The following LGR5 variants were observed in gnomAD, a reference collection of about 807,000 sequenced individuals.
LGR5 encodes leucine rich repeat containing G protein-coupled receptor 5, also known as leucine-rich repeat-containing G protein-coupled receptor 5.
In LGR5, 54 loss-of-function variants were observed where a neutral mutation model predicts 76.7. The observed-to-expected ratio is 0.70, with a 90% CI of 0.57 to 0.88. LGR5 has a LOEUF of 0.88. Among genes scored for constraint, LGR5 ranks in the 40% least tolerant of loss-of-function variants. The pLI, the probability that LGR5 is intolerant of heterozygous loss-of-function variation, is 0.00. For missense variants in LGR5, 1,078 were observed against 1,073.3 expected, an observed-to-expected ratio of 1.00 and a Z score of -0.06; for synonymous variants, 406 against 421.9, an observed-to-expected ratio of 0.96 and a Z score of 0.46.
chr12:71,535,119 C>T lies in LGR5; in HGVS notation c.361C>T (p.Leu121=). ...TGLYSLKVLM[L]QNNQLRHVPT... is the part of the protein sequence containing the mutation. ...TTTATTTCTTTTAACATACAGTATG[C>T]TGCAGAATAATCAGCTAAGACACGT... is the stretch of plus-strand genomic sequence containing the variant. Residue 121 remains leucine (L), a synonymous_variant, in exon 4 of 18, where the codon CTG becomes TTG. Coordinates refer to ENST00000266674, the MANE Select transcript of LGR5 (RefSeq NM_003667.4). The T allele has an allele frequency of 6.2e-7, 1 of 1,607,808 alleles. No homozygotes were observed.
intron 2 of LGR5, among the ~76,000 whole-genome samples, chr12:71,518,970 C>A (rs1875588048): frequency 6.6e-6 from 1 of 152,078 alleles, no homozygotes; most frequent in South Asian, 2.1e-4. Flanking sequence ...GCATATGTAC[C>A]CTGGACTTAA....
In LGR5 at chr12:71,519,668, C is replaced by A. The variant is rs148771797; in HGVS notation, c.285-4738C>A. Among the ~76,000 whole-genome samples the A allele has an allele frequency of 7.3e-3, 1,105 of 150,936 alleles. 10 individuals carry two copies. Among genetic ancestry groups the A allele is most frequent in the Middle Eastern group, 0.017 (5 of 292 alleles). On this transcript the variant is annotated intron_variant, in intron 2 of 17. Coordinates refer to ENST00000266674, the MANE Select transcript of LGR5 (RefSeq NM_003667.4). ...AACAAAAAACAAAAAACAAAAAAAA[C>A]CACAAAAATTAGCCAGGCATGGTGT...
At chr12:71,570,108 G>A (rs1878534436) in intron 11 of LGR5, among the ~76,000 whole-genome samples, 1 of 152,036 alleles carries the variant, frequency 6.6e-6, no homozygotes, top group African/African-American at 2.4e-5. Flanking sequence ...GCTGAGCAAT[G>A]AGAACACATG....
At chr12:71,496,939 A>T (rs1874351288) in intron 1 of LGR5, among the ~76,000 whole-genome samples, 1 of 152,178 alleles carries the variant, frequency 6.6e-6, no homozygotes, top group Admixed American at 6.5e-5. Context: ...AATGAATGGA[A>T]GGGAACATGA....
chr12:71,571,467 G>T (rs1383857425), intron 11 of LGR5, 47 bp from the exon 12 acceptor site: 1 of 1,365,172 alleles, frequency 7.3e-7, no homozygotes, highest in Non-Finnish European at 1.0e-6. Context: ...GTTTCTTTAT[G>T]ATTTATTTGT....
chr12:71,498,177 C>G (rs570863306), intron 1 of LGR5, among the ~76,000 whole-genome samples: 1 of 152,036 alleles, frequency 6.6e-6, no homozygotes. Context: ...CAAATAGGAT[C>G]GACTGAAAAG....
intron 9 of LGR5, 39 bp from the exon 10 acceptor site, chr12:71,566,593 A>C: frequency 6.4e-7 from 1 of 1,568,458 alleles, no homozygotes. Context: ...CCCTGTCTAG[A>C]ATCTTCTACC....
In LGR5 at chr12:71,439,987, A is replaced by G; in HGVS notation, c.-94A>G. ...CTGCAGACGCCCGCTGAGTTGCAGA[A>G]GCCCACGGAGCGGCGCCCGGCGCGC... On this transcript the variant is annotated 5_prime_UTR_variant, in exon 1 of 18. Transcript: ENST00000266674. The G allele has an allele frequency of 4.2e-6, 5 of 1,193,190 alleles. No individual in the cohort carries two copies. The highest frequency in any genetic ancestry group is 5.1e-5 in the East Asian group (2 of 39,336). The allele number at this position is 1,193,190 out of a possible 1,614,324, so 73.9% of individuals were successfully genotyped here.
At chr12:71,535,539 A>T (rs1011695720) in intron 4 of LGR5, among the ~76,000 whole-genome samples, 1 of 152,176 alleles carries the variant, frequency 6.6e-6, no homozygotes, top group African/African-American at 2.4e-5. Context: ...GCTGTAATCT[A>T]GACATTTTGA....
chr12:71,455,629 GGCATGATTTGT>G (rs1445104722), intron 1 of LGR5, among the ~76,000 whole-genome samples: 2 of 152,118 alleles, frequency 1.3e-5, no homozygotes, highest in African/African-American at 2.4e-5. Context: ...AATGGATTTT[GGCATGATTTGT>G]GCACCTAGCA....
At chr12:71,464,044 G>A (rs1253353929) in intron 1 of LGR5, among the ~76,000 whole-genome samples, 1 of 152,112 alleles carries the variant, frequency 6.6e-6, no homozygotes, top group African/African-American at 2.4e-5. Flanking sequence ...GCAAAAATAT[G>A]TTATTGTAGG....
intron 1 of LGR5, among the ~76,000 whole-genome samples, chr12:71,466,672 G>GGGT (rs530532020): frequency 7.6e-5 from 11 of 144,454 alleles, no homozygotes; most frequent in African/African-American, 2.8e-4. Context: ...TGTCTTCCAT[G>GGGT]TTTTTTTTTT....
intron 4 of LGR5, among the ~76,000 whole-genome samples, chr12:71,536,531 C>T (rs1876595237): frequency 6.6e-6 from 1 of 152,160 alleles, no homozygotes; most frequent in South Asian, 2.1e-4. Flanking sequence ...TCCTTTGTTG[C>T]ACAAGCCTTT....
intron 1 of LGR5, among the ~76,000 whole-genome samples, chr12:71,459,424 G>A (rs1872606890): frequency 6.6e-6 from 1 of 152,064 alleles, no homozygotes; most frequent in East Asian, 1.9e-4. Flanking sequence ...CTGAGGGCCA[G>A]GTACATACGC....
chr12:71,566,313 G>A, intron 8 of LGR5, 91 bp from the exon 9 acceptor site: 2 of 796,904 alleles, frequency 2.5e-6, no homozygotes, highest in South Asian at 1.6e-5. Context: ...AATTACATAA[G>A]TACATTTACT....
Position 71,584,846 on chromosome 12 carries a change from C to G in LGR5, c.*112C>G. ...CTGAGGTGAAACTCGGTTTAAAAACCAAAAAAGAATCTCTCAGTTAGTAAG... is the reference window on the plus strand; with the variant it reads ...CTGAGGTGAAACTCGGTTTAAAAACGAAAAAAGAATCTCTCAGTTAGTAAG... On this transcript the variant is annotated 3_prime_UTR_variant, in exon 18 of 18. Coordinates refer to ENST00000266674, the MANE Select transcript of LGR5 (RefSeq NM_003667.4). 1 of 1,120,232 alleles carries G rather than the reference C, an allele frequency of 8.9e-7. No homozygotes were observed. The allele number at this position is 1,120,232 out of a possible 1,614,324, so 69.4% of individuals were successfully genotyped here.
At chr12:71,571,694 C>T in intron 12 of LGR5, 115 bp downstream of exon 12, 3 of 705,024 alleles carry the variant, frequency 4.3e-6, no homozygotes, top group Non-Finnish European at 7.4e-6. Context: ...TGATCCTTTT[C>T]CTTCTTACAC....
chr12:71,582,594 C>T (rs1592567841), intron 17 of LGR5, 55 bp downstream of exon 17: 1 of 1,326,908 alleles, frequency 7.5e-7, no homozygotes, highest in East Asian at 2.3e-5. Flanking sequence ...GATTCTGAGT[C>T]CATGAAAAAC....
intron 1 of LGR5, among the ~76,000 whole-genome samples, chr12:71,458,208 C>T (rs1029611380): frequency 2.6e-5 from 4 of 152,128 alleles, no homozygotes; most frequent in African/African-American, 4.8e-5. Context: ...TGTAACCCTA[C>T]TGTAAACTTA....
Sources: gnomAD v4.1 joint callset for allele counts (sites outside exome capture counted in the v4.1 genomes callset) on GRCh38, gnomAD v4.1.1 for gene constraint, MANE v1.5 for transcripts, NCBI Gene and HGNC (gene_info 2026-07-23, HGNC 2026-07-21) for gene names.